The following RARRES2 variants were observed in gnomAD, a reference collection of about 807,000 sequenced individuals.
RARRES2 encodes the protein retinoic acid receptor responder 2, also known as retinoic acid receptor responder protein 2.
In RARRES2, 12 loss-of-function variants were observed where a neutral mutation model predicts 17.9. That is an observed-to-expected ratio of 0.67 (90% confidence interval 0.43 to 1.08). The LOEUF is 1.08. Among genes scored for constraint, RARRES2 ranks in the 50% least tolerant of loss-of-function variants. The pLI, the probability that RARRES2 is intolerant of heterozygous loss-of-function variation, is 0.00. For missense variants in RARRES2, 220 were observed against 210.1 expected, an observed-to-expected ratio of 1.05 and a Z score of -0.29; for synonymous variants, 82 against 86.8, an observed-to-expected ratio of 0.94 and a Z score of 0.31.
rs768609534 is a variant in RARRES2 at position 150,338,974 on chromosome 7, GC to G, written c.375+11del. The G allele has an allele frequency of 6.3e-7, 1 of 1,588,838 alleles. No homozygotes were observed. Among genetic ancestry groups the G allele is most frequent in the Non-Finnish European group, 8.6e-7 (1 of 1,157,148 alleles). On this transcript the variant is annotated intron_variant, in intron 4 of 5. Transcript: ENST00000223271. ...GCCCTGTCACCACCTGTGCACCCTTGCCCCTTCTTACCCGCAGAACTTGGGT... is the reference window on the plus strand; with the variant it reads ...GCCCTGTCACCACCTGTGCACCCTTGCCCTTCTTACCCGCAGAACTTGGGT...
At chr7:150,339,714 C>G (rs573739864) in intron 3 of RARRES2, among the ~76,000 whole-genome samples, 3 of 152,078 alleles carry the variant, frequency 2.0e-5, no homozygotes, top group Admixed American at 6.5e-5. Context: ...TTGCCCCCAC[C>G]GTGACTGATG....
In RARRES2 at chr7:150,338,411, C is replaced by T. The variant is rs1047575; in HGVS notation, c.*39G>A. On this transcript the variant is annotated 3_prime_UTR_variant, in exon 6 of 6. Coordinates refer to ENST00000223271, the MANE Select transcript of RARRES2 (RefSeq NM_002889.4). ...CTGGGGTCTTCCACTGGTTACCACC[C>T]GCAGCGGTCCTGGAGGCACCACGCA... 26 of 1,513,322 alleles carry T rather than the reference C, an allele frequency of 1.7e-5. No homozygotes were observed. Among genetic ancestry groups the T allele is most frequent in the African/African-American group, 1.2e-4 (9 of 72,486 alleles). 93.7% of individuals were successfully genotyped at this position (1,513,322 alleles called of 1,614,324 possible).
intron 4 of RARRES2, 100 bp downstream of exon 4, chr7:150,338,886 C>A: frequency 6.5e-7 from 1 of 1,542,640 alleles, no homozygotes; most frequent in Non-Finnish European, 8.9e-7. Flanking sequence ...TGCCCTCCCT[C>A]CTGCTTGGCC....
Position 150,338,604 on chromosome 7 carries a change from C to T in RARRES2, c.*10+11G>A. On this transcript the variant is annotated intron_variant, in intron 5 of 5. Transcript: ENST00000223271. ...TCATCCAGACGGTGCTCTCAGCCCCCTGGTGCCTACCAGTGCTGGCTTAGC... is the reference window on the plus strand; with the variant it reads ...TCATCCAGACGGTGCTCTCAGCCCCTTGGTGCCTACCAGTGCTGGCTTAGC... The T allele has an allele frequency of 6.4e-7, 1 of 1,551,918 alleles. No individual in the cohort carries two copies. The highest frequency in any genetic ancestry group is 8.7e-7 in the Non-Finnish European group (1 of 1,147,058).
Position 150,338,696 on chromosome 7 carries a change from C to G in RARRES2, c.421G>C (p.Ala141Pro). 1 of 1,555,368 alleles carries G rather than the reference C, an allele frequency of 6.4e-7. No individual in the cohort carries two copies. The highest frequency in any genetic ancestry group is 8.7e-7 in the Non-Finnish European group (1 of 1,148,990). ...TAGAAGCTGTGGGGGTCCTCACCAG[C>G]CCGCTGCACCCTGAGGCACTGGGTC... Reference protein sequence around the residue: ...QETQCLRVQRAGEDPHSFYFP... With the variant: ...QETQCLRVQRPGEDPHSFYFP... Residue 141 changes from alanine (A) to proline (P), a missense_variant, in exon 5 of 6, where the codon GCT (alanine) becomes CCT (proline). Transcript: ENST00000223271.
At position 150,338,976 on chromosome 7, in the gene RARRES2, C is replaced by T. The variant is rs1484700359; in HGVS notation, c.375+10G>A. 2 of 1,592,112 alleles carry T rather than the reference C, an allele frequency of 1.3e-6. No individual in the cohort carries two copies. Among genetic ancestry groups the T allele is most frequent in the East Asian group, 4.5e-5 (2 of 44,754 alleles). On this transcript the variant is annotated intron_variant, in intron 4 of 5. Coordinates refer to ENST00000223271, the MANE Select transcript of RARRES2 (RefSeq NM_002889.4). The stretch of plus-strand genomic sequence containing the variant: ...CCTGTCACCACCTGTGCACCCTTGC[C>T]CCTTCTTACCCGCAGAACTTGGGTC...
At chr7:150,338,909 C>A in intron 4 of RARRES2, 77 bp downstream of exon 4, 1 of 1,538,756 alleles carries the variant, frequency 6.5e-7, no homozygotes, top group African/African-American at 1.4e-5. Flanking sequence ...GCTTTAGCCT[C>A]GAGACCAGCC....
At chr7:150,341,470 C>T (rs1221854057) in intron 1 of RARRES2, 108 bp downstream of exon 1, 1 of 152,260 alleles carries the variant, frequency 6.6e-6, no homozygotes, top group African/African-American at 2.4e-5. Context: ...CGAGGCCCCT[C>T]AGTGAAGAGC....
intron 1 of RARRES2, 180 bp from the exon 2 acceptor site, chr7:150,340,809 C>T: frequency 1.8e-6 from 1 of 556,572 alleles, no homozygotes; most frequent in Non-Finnish European, 3.1e-6. Context: ...TCCGCCTGGC[C>T]CTCTCCGTTC....
chr7:150,339,065 A>G lies in RARRES2; in HGVS notation c.296T>C (p.Leu99Pro). 5 of 1,612,032 alleles carry G rather than the reference A, an allele frequency of 3.1e-6. No individual in the cohort carries two copies. The highest frequency in any genetic ancestry group is 4.2e-6 in the Non-Finnish European group (5 of 1,178,142). The change falls in exon 4 of 6, where the codon CTG becomes CCG. Residue 99 changes from leucine to proline, a missense_variant. Transcript: ENST00000223271. ...CTCAGAGCCCAGTTTGATGCAGGCC[A>G]GGCATTTCCGTTTCCTCTGTGGGGG... ...VRPNGRKRKC[L>P]ACIKLGSEDK...
chr7:150,341,178 G>C (rs1798480715), intron 1 of RARRES2: 1 of 152,350 alleles, frequency 6.6e-6, no homozygotes. Context: ...GGGTGGGAGC[G>C]GCGGGAGGCC....
rs1445179164 is a variant in RARRES2 at position 150,340,589 on chromosome 7, A to G, written c.21T>C (p.Pro7=). 5 of 1,539,446 alleles carry G rather than the reference A, an allele frequency of 3.2e-6. No homozygotes were observed. Among genetic ancestry groups the G allele is most frequent in the Non-Finnish European group, 4.4e-6 (5 of 1,140,248 alleles). ...CCACCGCACCCAGCCACAGGGCCAG[A>G]GGGATCAGCAGCCGTCGCATGCTTC... MRRLLI[P]LALWLGAVGV... Residue 7 remains proline, a synonymous_variant, in exon 2 of 6, where the codon CCT becomes CCC. Coordinates refer to ENST00000223271, the MANE Select transcript of RARRES2 (RefSeq NM_002889.4).
At chr7:150,338,817 C>T in intron 4 of RARRES2, 76 bp from the exon 5 acceptor site, 2 of 1,567,038 alleles carry the variant, frequency 1.3e-6, no homozygotes, top group Non-Finnish European at 1.7e-6. Flanking sequence ...GCATCCTCCA[C>T]ATCCCCTCCA....
chr7:150,338,582 T>C (rs1798393604), intron 5 of RARRES2, 33 bp downstream of exon 5: 1 of 1,547,806 alleles, frequency 6.5e-7, no homozygotes, highest in Admixed American at 2.0e-5. Flanking sequence ...GCTGGCCTCA[T>C]CCAGACGGTG....
chr7:150,338,588 C>G, intron 5 of RARRES2, 27 bp downstream of exon 5: 1 of 1,549,102 alleles, frequency 6.5e-7, no homozygotes, highest in South Asian at 1.2e-5. Context: ...CTCATCCAGA[C>G]GGTGCTCTCA....
chr7:150,338,839 G>A (rs975671795), intron 4 of RARRES2, 98 bp from the exon 5 acceptor site: 3 of 1,571,754 alleles, frequency 1.9e-6, no homozygotes, highest in Non-Finnish European at 2.6e-6. Flanking sequence ...ATCCCTTGGA[G>A]AATGTCCAAA....
At chr7:150,339,447 A>C (rs942283459) in intron 3 of RARRES2, among the ~76,000 whole-genome samples, 1 of 152,118 alleles carries the variant, frequency 6.6e-6, no homozygotes, top group Non-Finnish European at 1.5e-5. Context: ...TGAAGGCAAG[A>C]ATCCTCCTCC....
At position 150,338,703 on chromosome 7, in the gene RARRES2, C is replaced by G. The variant is rs754220448; in HGVS notation, c.414G>C (p.Val138=). The part of the protein sequence containing the change: ...EEHQETQCLR[V]QRAGEDPHSF... ...TGTGGGGGTCCTCACCAGCCCGCTG[C>G]ACCCTGAGGCACTGGGTCTCCTGGT... The change falls in exon 5 of 6, where the codon GTG becomes GTC. Residue 138 remains valine (V), a synonymous_variant. Transcript: ENST00000223271. 2 of 1,555,412 alleles carry G rather than the reference C, an allele frequency of 1.3e-6. No individual in the cohort carries two copies. Among genetic ancestry groups the G allele is most frequent in the Non-Finnish European group, 1.7e-6 (2 of 1,148,986 alleles).
intron 2 of RARRES2, 75 bp from the exon 3 acceptor site, chr7:150,340,279 A>C (rs978744112): frequency 4.5e-6 from 7 of 1,562,908 alleles, no homozygotes; most frequent in Non-Finnish European, 6.1e-6. Context: ...TGTGATCCGC[A>C]CCTCCCTCAC....
Sources: allele counts gnomAD v4.1 joint callset (sites outside exome capture counted in the v4.1 genomes callset), GRCh38; gene constraint gnomAD v4.1.1; transcripts MANE v1.5; gene names NCBI Gene and HGNC (gene_info 2026-07-23, HGNC 2026-07-21).